RELN: variants seen among roughly 807,000 people sequenced by gnomAD.
RELN encodes reelin.
Under a neutral mutation model 427.6 loss-of-function variants are expected in RELN, and 108 were observed. The observed-to-expected ratio is 0.25, with a 90% CI of 0.22 to 0.30. RELN has a LOEUF of 0.30. Ranked by LOEUF, RELN falls within the 10% of genes least tolerant of loss-of-function variation. The pLI, the probability that RELN is intolerant of heterozygous loss-of-function variation, is 1.00. For synonymous variants in RELN, 1,524 were observed against 1,513.4 expected (o/e 1.01, Z -0.16); for missense variants, 3,715 against 4,302.8 (o/e 0.86, Z 3.82).
intron 41 of RELN, among the ~76,000 whole-genome samples, chr7:103,548,835 C>T (rs362775): frequency 0.011 from 1,622 of 152,256 alleles, 25 homozygotes; most frequent in African/African-American, 0.026. Flanking sequence ...GTCTCTGTGA[C>T]GCTGGAGCAC....
At chr7:103,829,049 T>C (rs1197404927) in intron 3 of RELN, among the ~76,000 whole-genome samples, 2 of 152,024 alleles carry the variant, frequency 1.3e-5, no homozygotes, top group Admixed American at 6.6e-5. Flanking sequence ...CTTAGGCAAG[T>C]GATTTAACAT....
intron 3 of RELN, among the ~76,000 whole-genome samples, chr7:103,793,701 G>C (rs949623568): frequency 1.3e-5 from 2 of 152,202 alleles, no homozygotes; most frequent in African/African-American, 4.8e-5. Context: ...AAAGGAACAA[G>C]AGATGGGAAA....
rs1832351248 is a variant in RELN, at chr7:103,627,343, A to G, written c.2702+2597T>C. Among the ~76,000 whole-genome samples, 3 of 152,146 alleles carry G rather than the reference A, an allele frequency of 2.0e-5. No individual in the cohort carries two copies. The South Asian group carries it at 6.2e-4, about 32-fold the overall frequency. ...AGATTATAATAAATAGTTGGTCAAT[A>G]TCATCACTTAAATTTTAATATTGTA... On this transcript the variant is annotated intron_variant, in intron 20 of 64. Coordinates refer to ENST00000428762, the MANE Select transcript of RELN (RefSeq NM_005045.4).
At chr7:103,909,779 A>T (rs1191284258) in intron 2 of RELN, among the ~76,000 whole-genome samples, 3,765 of 73,376 alleles carry the variant, frequency 0.051, 547 homozygotes, top group East Asian at 0.2. Context: ...TAATATATAT[A>T]AATATATATA....
chr7:103,579,303 A>G (rs1831073357), intron 28 of RELN, among the ~76,000 whole-genome samples: 1 of 152,222 alleles, frequency 6.6e-6, no homozygotes, highest in Non-Finnish European at 1.5e-5. Context: ...TAATTTTATT[A>G]GAAATAGATC....
Position 103,498,260 on chromosome 7 carries a change from T to G in RELN, c.8668-8A>C, listed in dbSNP as rs756973928. On this transcript the variant is annotated splice_polypyrimidine_tract_variant and splice_region_variant and intron_variant, in intron 53 of 64. Coordinates refer to ENST00000428762, the MANE Select transcript of RELN (RefSeq NM_005045.4). ...GCGTTCCTTCAGGAAAGTCTGGAAA[T>G]AAAATAAGCCAGATGTGGTTAAAAA... 27 of 1,612,396 alleles carry G rather than the reference T, an allele frequency of 1.7e-5. No individual in the cohort carries two copies. Among genetic ancestry groups the G allele is most frequent in the Non-Finnish European group, 2.2e-5 (26 of 1,178,950 alleles).
At chr7:103,769,373 T>C (rs1273620503) in intron 4 of RELN, among the ~76,000 whole-genome samples, 1 of 152,156 alleles carries the variant, frequency 6.6e-6, no homozygotes, top group Non-Finnish European at 1.5e-5. Flanking sequence ...GGATACAGCA[T>C]TCCTCCTCTT....
At chr7:103,611,916 C>T in intron 20 of RELN, 113 bp from the exon 21 acceptor site, 2 of 854,922 alleles carry the variant, frequency 2.3e-6, no homozygotes, top group Non-Finnish European at 3.8e-6. Context: ...CTTGTTTAAA[C>T]CTTGCCAAAT....
At position 103,640,514 on chromosome 7, in the gene RELN, A is replaced by T. The variant is rs1164614433; in HGVS notation, c.2069+29T>A. On this transcript the variant is annotated intron_variant, in intron 17 of 64. Coordinates refer to ENST00000428762, the MANE Select transcript of RELN (RefSeq NM_005045.4). The surrounding 1 kb of genome is among the most constrained non-coding windows in gnomAD (Gnocchi z 4.1). Reference sequence around the variant, plus strand: ...ACATACATTACACATCAAAAAGGAGAAGCATAAGTGTTATTTTAAGATGCT... The same window carrying T: ...ACATACATTACACATCAAAAAGGAGTAGCATAAGTGTTATTTTAAGATGCT... The T allele has an allele frequency of 6.2e-7, 1 of 1,607,766 alleles. No homozygotes were observed. Among genetic ancestry groups the T allele is most frequent in the Non-Finnish European group, 8.5e-7 (1 of 1,174,506 alleles).
chr7:103,865,132 CAAA>C lies in RELN; in HGVS notation c.338-31463_338-31461del, dbSNP rs386410871. ...CTGGCCAACAAGAGGGAAACTGTCT[CAAA>C]AAAAAAAAAAAAAAAAAAAAGAAAG... On this transcript the variant is annotated intron_variant, in intron 2 of 64. Coordinates refer to ENST00000428762, the MANE Select transcript of RELN (RefSeq NM_005045.4). Among the ~76,000 whole-genome samples the C allele has an allele frequency of 5.0e-3, 336 of 67,224 alleles. 1 individual carries two copies. The highest frequency in any genetic ancestry group is 0.031 in the Middle Eastern group (3 of 98). The allele number at this position is 67,224 out of a possible 152,430, so 44.1% of individuals were successfully genotyped here.
rs2237642 is a variant in RELN, at chr7:103,879,576, T to G, written c.337+37499A>C. Among the ~76,000 whole-genome samples, 40 of 152,092 alleles carry G rather than the reference T, an allele frequency of 2.6e-4. 1 individual carries two copies. The highest frequency in any genetic ancestry group is 2.6e-3 in the Admixed American group (40 of 15,270). On this transcript the variant is annotated intron_variant, in intron 2 of 64. Coordinates refer to ENST00000428762, the MANE Select transcript of RELN (RefSeq NM_005045.4). Reference sequence around the variant, plus strand: ...AATGACCTGCCAAAACACCAACAACTAGGCTTCCTGCAACATGTGAATAGA... The same window carrying G: ...AATGACCTGCCAAAACACCAACAACGAGGCTTCCTGCAACATGTGAATAGA...
chr7:103,926,478 G>A (rs769115794), intron 1 of RELN, among the ~76,000 whole-genome samples: 5 of 152,020 alleles, frequency 3.3e-5, no homozygotes, highest in African/African-American at 9.7e-5. Flanking sequence ...CTTTATGCTT[G>A]TGCAAGAACA....
At chr7:103,868,216 C>A (rs140784644) in intron 2 of RELN, among the ~76,000 whole-genome samples, 1,671 of 152,066 alleles carry the variant, frequency 0.011, 23 homozygotes, top group African/African-American at 0.026. Flanking sequence ...TATTGGGAAC[C>A]AATTTGGAAA....
At position 103,892,943 on chromosome 7, in the gene RELN, G is replaced by A. The variant is rs183850404; in HGVS notation, c.337+24132C>T. ...CTTAGCCAAAGGGGTCTTTAGTTCT[G>A]AGCTCAACAAAGAAATTTTGAAAGA... is the stretch of plus-strand genomic sequence containing the variant. On this transcript the variant is annotated intron_variant, in intron 2 of 64. Transcript: ENST00000428762. 5.3e-3 allele frequency among the ~76,000 whole-genome samples: 807 copies of A among 152,136 alleles called. 10 individuals are homozygous for A. The highest frequency in any genetic ancestry group is 0.019 in the African/African-American group (779 of 41,502).
At chr7:103,511,394 A>G (rs896390439) in intron 50 of RELN, among the ~76,000 whole-genome samples, 2 of 152,210 alleles carry the variant, frequency 1.3e-5, no homozygotes, top group Middle Eastern at 3.2e-3. Context: ...GTTTATTAGG[A>G]AAGAATCATG....
intron 6 of RELN, among the ~76,000 whole-genome samples, chr7:103,738,672 C>CTTTTTTTTT (rs57390524): frequency 1.4e-5 from 1 of 70,522 alleles, no homozygotes; most frequent in Non-Finnish European, 2.5e-5. Context: ...TCCTTCCTTC[C>CTTTTTTTTT]TTTTTTTTTT....
intron 31 of RELN, among the ~76,000 whole-genome samples, chr7:103,568,520 G>C (rs1466682073): frequency 1.3e-5 from 2 of 152,146 alleles, no homozygotes; most frequent in Non-Finnish European, 2.9e-5. Context: ...CCATGTGTTG[G>C]GAAAGGGACA....
intron 1 of RELN, among the ~76,000 whole-genome samples, chr7:103,982,974 AT>A (rs1453349237): frequency 6.6e-6 from 1 of 152,192 alleles, no homozygotes; most frequent in Non-Finnish European, 1.5e-5. Flanking sequence ...ATAAAATTTT[AT>A]TTTGTTTTCA....
chr7:103,496,628 T>G lies in RELN; in HGVS notation c.9091A>C (p.Ile3031Leu). The part of the protein sequence containing the change: ...WWQPFVISNG[I>L]VVSGVERAQW... ...GCACGCTCCACCCCAGAGACCACAA[T>G]TCCATTGCTGATCACAAAAGGCTGC... The change falls in exon 56 of 65, where the codon ATT becomes CTT. Residue 3031 changes from isoleucine to leucine, a missense_variant. Physicochemically the swap from Ile to Leu is conservative, Grantham distance 5. Transcript: ENST00000428762. 6.2e-7 allele frequency: 1 copy of G among 1,614,154 alleles called. No individual in the cohort carries two copies. Among genetic ancestry groups the G allele is most frequent in the African/African-American group, 1.3e-5 (1 of 75,058 alleles).
Sources: gnomAD v4.1 joint callset for allele counts (sites outside exome capture counted in the v4.1 genomes callset) on GRCh38, gnomAD v4.1.1 for gene constraint, Gnocchi (gnomAD v3.1) non-coding constraint, MANE v1.5 for transcripts, NCBI Gene and HGNC (gene_info 2026-07-23, HGNC 2026-07-21) for gene names.